The following GPHN variants were observed in gnomAD, a reference collection of about 807,000 sequenced individuals.
The protein encoded by GPHN is gephyrin.
A neutral mutation model predicts 95.5 loss-of-function variants in GPHN; 17 were observed. The observed-to-expected ratio is 0.18, with a 90% CI of 0.12 to 0.27. The LOEUF (loss-of-function observed/expected upper bound fraction) is 0.27. Among genes scored for constraint, GPHN ranks in the 10% least tolerant of loss-of-function variants. The pLI, the probability that GPHN is intolerant of heterozygous loss-of-function variation, is 1.00. For missense variants in GPHN, 660 were observed against 978.1 expected (o/e 0.67, Z 4.34); for synonymous variants, 320 against 322.5 (o/e 0.99, Z 0.08).
the GPHN span, among the ~76,000 whole-genome samples, chr14:67,277,628 G>A: frequency 5.9e-5 from 9 of 151,922 alleles, no homozygotes; most frequent in African/African-American, 2.2e-4. Context: ...TAGATTTAAT[G>A]TGTGGGTTTA....
intron 4 of GPHN, among the ~76,000 whole-genome samples, chr14:66,871,662 A>T (rs1051460921): frequency 5.3e-5 from 8 of 152,190 alleles, no homozygotes; most frequent in Non-Finnish European, 1.2e-4. Flanking sequence ...TTCTCAGCAA[A>T]CTAACACAGG....
At chr14:66,728,208 G>A (rs763130524) in intron 2 of GPHN, among the ~76,000 whole-genome samples, 3 of 152,060 alleles carry the variant, frequency 2.0e-5, no homozygotes, top group African/African-American at 7.2e-5. Flanking sequence ...AGGATGGATG[G>A]AAATGCCTGG....
At chr14:66,997,366 T>TAAAA (rs34315684) in intron 9 of GPHN, among the ~76,000 whole-genome samples, 1 of 123,982 alleles carries the variant, frequency 8.1e-6, no homozygotes, top group Non-Finnish European at 1.8e-5. Flanking sequence ...GACTTCGTCT[T>TAAAA]AAAAAAAAAA....
the GPHN span, among the ~76,000 whole-genome samples, chr14:67,415,645 A>G: frequency 6.6e-6 from 1 of 152,250 alleles, no homozygotes; most frequent in African/African-American, 2.4e-5. Flanking sequence ...TTTCAGGAAT[A>G]TACATCATTC....
chr14:66,592,817 A>T (rs916864845), intron 1 of GPHN, among the ~76,000 whole-genome samples: 1 of 152,244 alleles, frequency 6.6e-6, no homozygotes, highest in Admixed American at 6.5e-5. Flanking sequence ...CCAAAGGATT[A>T]TAAATCATTC....
chr14:67,111,444 C>T (rs2078366341), intron 14 of GPHN, among the ~76,000 whole-genome samples: 1 of 152,084 alleles, frequency 6.6e-6, no homozygotes, highest in Admixed American at 6.5e-5. Flanking sequence ...ATTTGGTAAC[C>T]TTGGCATGGT....
the GPHN span, among the ~76,000 whole-genome samples, chr14:67,506,355 C>T: frequency 6.6e-6 from 1 of 152,034 alleles, no homozygotes; most frequent in African/African-American, 2.4e-5. Context: ...AGAACTAATC[C>T]CACTGGATAA....
chr14:67,156,168 A>G (rs1471038574), intron 18 of GPHN, among the ~76,000 whole-genome samples: 1 of 152,222 alleles, frequency 6.6e-6, no homozygotes, highest in African/African-American at 2.4e-5. Flanking sequence ...AATGTAAATG[A>G]GTGTTGATCA....
At position 66,565,531 on chromosome 14, in the gene GPHN, C is replaced by A. The variant is rs149910111; in HGVS notation, c.64+56940C>A. On this transcript the variant is annotated intron_variant, in intron 1 of 22. Transcript: ENST00000478722. ...CCCAAGCTGGTCTTGAACTCTTGGGCTCAAGTGATCCTCCTGCCTTGGCCC... is the reference window on the plus strand; with the variant it reads ...CCCAAGCTGGTCTTGAACTCTTGGGATCAAGTGATCCTCCTGCCTTGGCCC... Among the ~76,000 whole-genome samples, 993 of 152,206 alleles carry A rather than the reference C, an allele frequency of 6.5e-3. 15 individuals are homozygous for A. Among genetic ancestry groups the A allele is most frequent in the African/African-American group, 0.023 (946 of 41,532 alleles).
intron 4 of GPHN, among the ~76,000 whole-genome samples, chr14:66,866,951 G>A (rs1049687709): frequency 2.0e-5 from 3 of 152,012 alleles, no homozygotes; most frequent in African/African-American, 7.2e-5. Context: ...AAAACAAAAT[G>A]CCTGCAGTAT....
At chr14:66,929,901 C>T (rs972663876) in intron 8 of GPHN, among the ~76,000 whole-genome samples, 5 of 151,762 alleles carry the variant, frequency 3.3e-5, no homozygotes, top group Non-Finnish European at 5.9e-5. Flanking sequence ...TTAGTAGAGA[C>T]GGGGTTTCAC....
intron 3 of GPHN, among the ~76,000 whole-genome samples, chr14:66,798,869 TG>T (rs2060249269): frequency 6.6e-6 from 1 of 151,886 alleles, no homozygotes; most frequent in Non-Finnish European, 1.5e-5. Context: ...GGGTTTGGTT[TG>T]CCCTTGCTTG....
At chr14:67,652,885 C>G in the GPHN span, among the ~76,000 whole-genome samples, 1 of 152,172 alleles carries the variant, frequency 6.6e-6, no homozygotes, top group African/African-American at 2.4e-5. Context: ...CCTCCACCCC[C>G]CAGGTTCAAG....
intron 5 of GPHN, among the ~76,000 whole-genome samples, chr14:66,891,067 G>A (rs544467699): frequency 6.6e-6 from 1 of 152,040 alleles, no homozygotes; most frequent in Admixed American, 6.6e-5. Context: ...CATAGTATTG[G>A]AACTTCTAGC....
At chr14:66,546,190 G>A (rs998141558) in intron 1 of GPHN, among the ~76,000 whole-genome samples, 3 of 150,628 alleles carry the variant, frequency 2.0e-5, no homozygotes, top group Non-Finnish European at 4.4e-5. Context: ...GGGAAGAGGC[G>A]CTCCTCACTT....
chr14:67,080,574 A>G (rs945131065), intron 11 of GPHN, among the ~76,000 whole-genome samples: 1 of 151,502 alleles, frequency 6.6e-6, no homozygotes, highest in African/African-American at 2.4e-5. Context: ...GGTTGAGTTA[A>G]TTTTCTTTGT....
Position 66,883,120 on chromosome 14 carries a change from AT to A in GPHN, c.389+3090del, listed in dbSNP as rs1302112620. 1.5e-4 allele frequency among the ~76,000 whole-genome samples: 23 copies of A among 151,538 alleles called. 1 individual carries two copies. Among genetic ancestry groups the A allele is most frequent in the Non-Finnish European group, 1.5e-5 (1 of 67,776 alleles). On this transcript the variant is annotated intron_variant, in intron 5 of 22. Transcript: ENST00000478722. ...TTATGTCTTTAACCAAATTTGGGAA[AT>A]TTCCTTTTTTTTGCTGCTCCTATGA... is the stretch of plus-strand genomic sequence containing the variant.
At chr14:67,189,182 C>A in the GPHN span, among the ~76,000 whole-genome samples, 1 of 152,122 alleles carries the variant, frequency 6.6e-6, no homozygotes, top group African/African-American at 2.4e-5. Context: ...TATACTATTG[C>A]TAAATTGACT....
At chr14:66,666,514 G>A (rs1447223442) in intron 1 of GPHN, among the ~76,000 whole-genome samples, 1 of 151,858 alleles carries the variant, frequency 6.6e-6, no homozygotes, top group Admixed American at 6.6e-5. Flanking sequence ...CACATAAACA[G>A]AACTAAAGAC....
Sources: allele counts gnomAD v4.1 joint callset (sites outside exome capture counted in the v4.1 genomes callset), GRCh38; gene constraint gnomAD v4.1.1; transcripts MANE v1.5; gene names NCBI Gene and HGNC (gene_info 2026-07-23, HGNC 2026-07-21).